Variants in MAPK4 observed in about 807,000 individuals in gnomAD.
The protein encoded by MAPK4 is Erk3-related.
A neutral mutation model predicts 47.7 loss-of-function variants in MAPK4; 22 were observed. The ratio of observed to expected loss-of-function variants is 0.46; its 90% CI spans 0.33 to 0.66. The LOEUF (loss-of-function observed/expected upper bound fraction) is 0.66, where lower values mean the gene tolerates loss of function less well. Ranked by LOEUF, MAPK4 falls within the 30% of genes least tolerant of loss-of-function variation. The pLI is 0.02. For missense variants in MAPK4, 736 were observed against 831.7 expected (o/e 0.88, Z 1.42); for synonymous variants, 390 against 365.7 (o/e 1.07, Z -0.76).
chr18:50,699,599 A>G (rs1047776995), intron 2 of MAPK4, among the ~76,000 whole-genome samples: 1 of 152,220 alleles, frequency 6.6e-6, no homozygotes, highest in Non-Finnish European at 1.5e-5. Flanking sequence ...ATATTTGGCA[A>G]TTTGTCAATT....
At chr18:50,708,668 C>T (rs1021621484) in intron 2 of MAPK4, among the ~76,000 whole-genome samples, 2 of 152,188 alleles carry the variant, frequency 1.3e-5, no homozygotes, top group Admixed American at 6.5e-5. Flanking sequence ...TGCTTGGACC[C>T]TCTGCTTGTC....
chr18:50,729,477 T>G lies in MAPK4; in HGVS notation c.1387T>G (p.Trp463Gly). The G allele has an allele frequency of 6.7e-7, 1 of 1,483,802 alleles. No homozygotes were observed. Among genetic ancestry groups the G allele is most frequent in the South Asian group, 1.3e-5 (1 of 77,830 alleles). 91.9% of individuals were successfully genotyped at this position (1,483,802 alleles called of 1,614,324 possible). The change falls in exon 6 of 6, where the codon TGG becomes GGG. Residue 463 changes from tryptophan to glycine, a missense_variant. This residue lies in a region of MAPK4 where 377 missense variants were observed against 378.6 expected (regional missense o/e 1.00). Transcript: ENST00000400384. ...CAAGCTCATCCTGGACCTGTCGCAC[T>G]GGAAGCAGGCGGCCGGCGCGCCCCC... ...EPKLILDLSHWKQAAGAPPTA... is the reference protein window; with the variant it reads ...EPKLILDLSHGKQAAGAPPTA...
At chr18:50,624,043 C>T (rs1389321435) in intron 1 of MAPK4, among the ~76,000 whole-genome samples, 1 of 152,208 alleles carries the variant, frequency 6.6e-6, no homozygotes, top group Non-Finnish European at 1.5e-5. Flanking sequence ...AATCTTTTCC[C>T]CTGACGTATG....
chr18:50,723,394 G>A (rs1456916491), intron 4 of MAPK4, among the ~76,000 whole-genome samples: 1 of 152,196 alleles, frequency 6.6e-6, no homozygotes, highest in Non-Finnish European at 1.5e-5. Flanking sequence ...GGAGGGGCTT[G>A]GAAAGGCAGG....
intron 1 of MAPK4, among the ~76,000 whole-genome samples, chr18:50,629,026 T>G (rs1188191572): frequency 6.6e-6 from 1 of 152,242 alleles, no homozygotes; most frequent in Non-Finnish European, 1.5e-5. Context: ...AGCCTTGTGG[T>G]ATACCTAATG....
chr18:50,713,758 A>C lies in MAPK4; in HGVS notation c.547-1321A>C, dbSNP rs545264254. ...TCCCTCATGGAATGTACACTGTCAA[A>C]TGCACAAAGGACAGAAGAAGAGGGC... On this transcript the variant is annotated intron_variant, in intron 2 of 5. Transcript: ENST00000400384. Among the ~76,000 whole-genome samples, 3 of 152,342 alleles carry C rather than the reference A, an allele frequency of 2.0e-5. No individual in the cohort carries two copies. The East Asian group carries it at 5.8e-4, about 29-fold the overall frequency.
In MAPK4 at chr18:50,686,034, G is replaced by GCC. The variant is rs1464032913; in HGVS notation, c.546+21530_546+21531insCC. ...AGCCCCCTAGAAAGGCCCCCTAGAAGTAACTCACCTGAGGTGATGGTAGAG... is the reference window on the plus strand; with the variant it reads ...AGCCCCCTAGAAAGGCCCCCTAGAAGCCTAACTCACCTGAGGTGATGGTAGAG... On this transcript the variant is annotated intron_variant, in intron 2 of 5. Transcript: ENST00000400384. 4.8e-3 allele frequency among the ~76,000 whole-genome samples: 733 copies of GCC among 152,202 alleles called. 2 individuals carry two copies. Among genetic ancestry groups the GCC allele is most frequent in the African/African-American group, 0.016 (682 of 41,522 alleles).
intron 3 of MAPK4, among the ~76,000 whole-genome samples, chr18:50,719,848 C>T (rs17662967): frequency 0.076 from 11,594 of 152,276 alleles, 596 homozygotes; most frequent in Non-Finnish European, 0.11. Flanking sequence ...CAATCGCTTT[C>T]AGGTTCTCAT....
At chr18:50,656,751 GT>G (rs1037615255) in intron 1 of MAPK4, among the ~76,000 whole-genome samples, 2 of 152,072 alleles carry the variant, frequency 1.3e-5, no homozygotes, top group African/African-American at 2.4e-5. Flanking sequence ...TTCCTGCATT[GT>G]TTCCATAATT....
chr18:50,710,808 TAAATAA>T lies in MAPK4; in HGVS notation c.547-4269_547-4264del, dbSNP rs1910319990. ...ATAAATAAATAAATAAATAAATAAA[TAAATAA>T]ATAAATAAATAAATTCATCATACCC... On this transcript the variant is annotated intron_variant, in intron 2 of 5. Transcript: ENST00000400384. Among the ~76,000 whole-genome samples, 6 of 151,690 alleles carry T rather than the reference TAAATAA, an allele frequency of 4.0e-5. No individual in the cohort carries two copies. The South Asian group carries it at 1.2e-3, about 32-fold the overall frequency.
chr18:50,603,566 C>T lies in MAPK4; in HGVS notation c.-871+43323C>T, dbSNP rs190056612. Among the ~76,000 whole-genome samples, 23 of 152,032 alleles carry T rather than the reference C, an allele frequency of 1.5e-4. 1 individual carries two copies. The East Asian group carries it at 4.4e-3, about 29-fold the overall frequency. Reference sequence around the variant, plus strand: ...CAGAGTCACTGATTTTCCACACTAGCCCAATGTCATCAGTCCTGTCTCTGC... The same window carrying T: ...CAGAGTCACTGATTTTCCACACTAGTCCAATGTCATCAGTCCTGTCTCTGC... On this transcript the variant is annotated intron_variant, in intron 1 of 5. Transcript: ENST00000400384.
chr18:50,715,263 T>C lies in MAPK4; in HGVS notation c.691+40T>C. Reference sequence around the variant, plus strand: ...ATGCCACCTTCCTTCTCATCTGGCGTCGTTCCATAGAAAGGGGAACTGAGT... The same window carrying C: ...ATGCCACCTTCCTTCTCATCTGGCGCCGTTCCATAGAAAGGGGAACTGAGT... On this transcript the variant is annotated intron_variant, in intron 3 of 5. Coordinates refer to ENST00000400384, the MANE Select transcript of MAPK4 (RefSeq NM_002747.4). 3 of 1,590,236 alleles carry C rather than the reference T, an allele frequency of 1.9e-6. No individual in the cohort carries two copies. In the South Asian group the frequency reaches 3.4e-5, roughly 18 times the overall value.
chr18:50,561,212 T>A (rs1357013051), intron 1 of MAPK4, among the ~76,000 whole-genome samples: 9 of 152,216 alleles, frequency 5.9e-5, no homozygotes. Context: ...AAGCACTACC[T>A]CGAGACGTGC....
chr18:50,636,322 C>T (rs530058994), intron 1 of MAPK4, among the ~76,000 whole-genome samples: 1 of 152,324 alleles, frequency 6.6e-6, no homozygotes, highest in African/African-American at 2.4e-5. Context: ...CTCTCTGTCC[C>T]ACCTGACTGA....
chr18:50,584,558 C>T (rs2149364213), intron 1 of MAPK4, among the ~76,000 whole-genome samples: 1 of 152,260 alleles, frequency 6.6e-6, no homozygotes, highest in African/African-American at 2.4e-5. Flanking sequence ...TGTATTGTTC[C>T]CTAGCTATAG....
At chr18:50,569,767 C>G (rs1598780664) in intron 1 of MAPK4, among the ~76,000 whole-genome samples, 1 of 152,244 alleles carries the variant, frequency 6.6e-6, no homozygotes. Flanking sequence ...GGGTCCTACT[C>G]TAAATGTAAA....
chr18:50,716,003 GA>G (rs1910616193), intron 3 of MAPK4, among the ~76,000 whole-genome samples: 1 of 152,124 alleles, frequency 6.6e-6, no homozygotes, highest in Admixed American at 6.5e-5. Context: ...TCTCTGCTTA[GA>G]AAACTCCTAG....
chr18:50,720,833 G>C (rs1157467748), intron 3 of MAPK4, among the ~76,000 whole-genome samples: 2 of 152,334 alleles, frequency 1.3e-5, no homozygotes, highest in African/African-American at 4.8e-5. Flanking sequence ...CTTCAGGAGA[G>C]AGCCTGAGGC....
At chr18:50,636,701 C>T (rs1365997317) in intron 1 of MAPK4, among the ~76,000 whole-genome samples, 2 of 152,354 alleles carry the variant, frequency 1.3e-5, no homozygotes, top group Admixed American at 6.5e-5. Flanking sequence ...TTCCTAATCT[C>T]CCCTGAACTT....
Sources: allele counts gnomAD v4.1 joint callset (sites outside exome capture counted in the v4.1 genomes callset), GRCh38; gene constraint gnomAD v4.1.1; regional missense constraint gnomAD v4.1.1; transcripts MANE v1.5; gene names NCBI Gene and HGNC (gene_info 2026-07-23, HGNC 2026-07-21).